DDX21: variants seen among roughly 807,000 people sequenced by gnomAD.
The protein encoded by DDX21 is nucleolar RNA helicase 2.
In DDX21, 18 loss-of-function variants were observed where a neutral mutation model predicts 90.0. The observed-to-expected ratio is 0.20, with a 90% confidence interval of 0.14 to 0.30. DDX21 has a LOEUF of 0.30. Ranked by LOEUF, DDX21 falls within the 10% of genes least tolerant of loss-of-function variation. The pLI, the probability that DDX21 is intolerant of heterozygous loss-of-function variation, is 1.00. For synonymous variants in DDX21, 294 were observed against 318.0 expected (o/e 0.92, Z 0.80); for missense variants, 673 against 944.5 (o/e 0.71, Z 3.77).
In DDX21 at chr10:68,973,672, T is replaced by C. The variant is rs773512433; in HGVS notation, c.1668+8T>C. 1 of 1,607,930 alleles carries C rather than the reference T, an allele frequency of 6.2e-7. No homozygotes were observed. The highest frequency in any genetic ancestry group is 8.5e-7 in the Non-Finnish European group (1 of 1,176,876). ...CAAGTGGAGCAAAAAGCGGTAAAAC[T>C]ATTCTTACCTTTCATTAAGCAAATG... On this transcript the variant is annotated splice_region_variant and intron_variant, in intron 10 of 14. Coordinates refer to ENST00000354185, the MANE Select transcript of DDX21 (RefSeq NM_004728.4).
At position 68,984,471 on chromosome 10, in the gene DDX21, C is replaced by G. The variant is rs1000567999; in HGVS notation, c.*1659C>G. 3.3e-5 allele frequency: 5 copies of G among 152,170 alleles called. No homozygotes were observed. The highest frequency in any genetic ancestry group is 4.1e-4 in the South Asian group (2 of 4,828). The allele number at this position is 152,170 out of a possible 1,614,324, so 9.4% of individuals were successfully genotyped here. A position where few individuals can be genotyped will look rare whatever the true frequency, so the allele number is the denominator to read the frequency against. On this transcript the variant is annotated 3_prime_UTR_variant, in exon 15 of 15. Coordinates refer to ENST00000354185, the MANE Select transcript of DDX21 (RefSeq NM_004728.4). ...TGGCTTTTATTCCTTGATCCACTTG[C>G]CAGTTTTATCACTTTACCCTTGTTC...
At chr10:68,970,955 ATTTTTTTTT>A (rs56314802) in intron 8 of DDX21, among the ~76,000 whole-genome samples, 16 of 72,552 alleles carry the variant, frequency 2.2e-4, no homozygotes, top group African/African-American at 7.4e-4. Context: ...GCCCAGCCTA[ATTTTTTTTT>A]TTTTTTTTTT....
At chr10:68,963,866 C>A (rs570932546) in intron 4 of DDX21, among the ~76,000 whole-genome samples, 1 of 151,906 alleles carries the variant, frequency 6.6e-6, no homozygotes, top group African/African-American at 2.4e-5. Context: ...TTTGGGAGCC[C>A]GAGGTGGGCG....
intron 1 of DDX21, among the ~76,000 whole-genome samples, chr10:68,958,072 CTG>C (rs1217888783): frequency 2.0e-5 from 3 of 152,132 alleles, no homozygotes; most frequent in Non-Finnish European, 2.9e-5. Context: ...GAGTGATAGA[CTG>C]TGAGTTTTTA....
At chr10:68,981,775 A>G (rs1048082482) in intron 14 of DDX21, among the ~76,000 whole-genome samples, 194 bp downstream of exon 14, 5 of 152,248 alleles carry the variant, frequency 3.3e-5, no homozygotes, top group African/African-American at 4.8e-5. Context: ...CCTGGTTTCT[A>G]TATTTCCTTT....
At chr10:68,976,356 C>T (rs1216293896) in intron 11 of DDX21, among the ~76,000 whole-genome samples, 9 of 151,278 alleles carry the variant, frequency 5.9e-5, no homozygotes, top group Non-Finnish European at 1.0e-4. Flanking sequence ...GGTGCAATCT[C>T]ATCTCACTGC....
chr10:68,970,485 CTTTTTTT>C (rs35874790), intron 8 of DDX21, 135 bp downstream of exon 8: 2 of 530,112 alleles, frequency 3.8e-6, no homozygotes, highest in African/African-American at 4.5e-5. Context: ...GAGGAAGCTA[CTTTTTTT>C]TTTTTTTTTT....
intron 1 of DDX21, 51 bp from the exon 2 acceptor site, chr10:68,959,755 T>G: frequency 7.8e-7 from 1 of 1,274,690 alleles, no homozygotes; most frequent in Non-Finnish European, 1.1e-6. Flanking sequence ...ATGTTGCAAA[T>G]GTATAAATGC....
chr10:68,962,127 A>T lies in DDX21; in HGVS notation c.577A>T (p.Ile193Leu), dbSNP rs768067504. 8 of 1,612,242 alleles carry T rather than the reference A, an allele frequency of 5.0e-6. No individual in the cohort carries two copies. Among genetic ancestry groups the T allele is most frequent in the Middle Eastern group, 1.7e-4 (1 of 6,056 alleles). Residue 193 changes from isoleucine to leucine, a missense_variant, in exon 3 of 15, where the codon ATA becomes TTA. Ile to Leu is a conservative substitution (Grantham distance 5). This residue lies in a region of DDX21 where 204 missense variants were observed against 221.6 expected (regional missense o/e 0.92). Coordinates refer to ENST00000354185, the MANE Select transcript of DDX21 (RefSeq NM_004728.4). ...AGAAGGCGCTTTCTCTAATTTTCCCATATCTGAAGAAACTATTAAACTTCT... is the reference window on the plus strand; with the variant it reads ...AGAAGGCGCTTTCTCTAATTTTCCCTTATCTGAAGAAACTATTAAACTTCT... ...QKEGAFSNFP[I>L]SEETIKLLKG...
At position 68,959,889 on chromosome 10, in the gene DDX21, A is replaced by G; in HGVS notation, c.171A>G (p.Gln57=). 6.2e-7 allele frequency: 1 copy of G among 1,602,408 alleles called. No individual in the cohort carries two copies. The highest frequency in any genetic ancestry group is 1.2e-5 in the South Asian group (1 of 86,818). The change falls in exon 2 of 15, where the codon CAA becomes CAG. Residue 57 remains glutamine, a synonymous_variant. Transcript: ENST00000354185. ...EEETVFPKAK[Q]VKKKAEPSEV... ...AAACTGTTTTCCCCAAAGCTAAACA[A>G]GTTAAAAAGAAAGCAGAGCCTTCTG...
chr10:68,966,743 A>G (rs750837215), intron 5 of DDX21, among the ~76,000 whole-genome samples: 7 of 152,138 alleles, frequency 4.6e-5, no homozygotes, highest in Non-Finnish European at 8.8e-5. Flanking sequence ...GCCCGGCTGC[A>G]TATTTCTTTT....
At position 68,960,292 on chromosome 10, in the gene DDX21, G is replaced by A. The variant is rs755486020; in HGVS notation, c.531+43G>A. 2.6e-6 allele frequency: 4 copies of A among 1,539,348 alleles called. No individual in the cohort carries two copies. In the South Asian group the frequency reaches 3.8e-5, roughly 15 times the overall value. On this transcript the variant is annotated intron_variant, in intron 2 of 14. Coordinates refer to ENST00000354185, the MANE Select transcript of DDX21 (RefSeq NM_004728.4). Reference sequence around the variant, plus strand: ...TGGGTAGAAGATATCTTTCATTGTTGTTTCAGATAAATAAGTAGGTAACTG... The same window carrying A: ...TGGGTAGAAGATATCTTTCATTGTTATTTCAGATAAATAAGTAGGTAACTG...
chr10:68,978,435 C>T (rs993126812), intron 12 of DDX21, among the ~76,000 whole-genome samples: 4 of 152,138 alleles, frequency 2.6e-5, no homozygotes, highest in Non-Finnish European at 4.4e-5. Context: ...CATATATATG[C>T]GCATAAATGC....
chr10:68,981,574 A>T lies in DDX21; in HGVS notation c.2075A>T (p.Glu692Val), dbSNP rs768390636. 6.2e-7 allele frequency: 1 copy of T among 1,611,220 alleles called. No individual in the cohort carries two copies. Residue 692 changes from glutamate to valine, a missense_variant, in exon 14 of 15, where the codon GAA becomes GTA. Glu to Val is a moderately radical substitution (Grantham distance 121). This residue lies in a region of DDX21 where 225 missense variants were observed against 298.8 expected (regional missense o/e 0.75). Coordinates refer to ENST00000354185, the MANE Select transcript of DDX21 (RefSeq NM_004728.4). Reference sequence around the variant, plus strand: ...GATGTACCTACCGCATCAGTAACAGAAATACAGGTATTCTTTTCCCTTAGA... The same window carrying T: ...GATGTACCTACCGCATCAGTAACAGTAATACAGGTATTCTTTTCCCTTAGA... ...CFDVPTASVTEIQEKWHDSRR... is the reference protein window; with the variant it reads ...CFDVPTASVTVIQEKWHDSRR...
At chr10:68,963,681 T>C (rs1176216644) in intron 4 of DDX21, among the ~76,000 whole-genome samples, 1 of 152,184 alleles carries the variant, frequency 6.6e-6, no homozygotes, top group Non-Finnish European at 1.5e-5. Context: ...ATTTTAATCT[T>C]TCCCACAGTT....
At position 68,967,117 on chromosome 10, in the gene DDX21, A is replaced by G; in HGVS notation, c.1004A>G (p.His335Arg). Residue 335 changes from histidine to arginine, a missense_variant, in exon 6 of 15, where the codon CAT becomes CGT. His to Arg is a conservative substitution (Grantham distance 29, BLOSUM62 0). Coordinates refer to ENST00000354185, the MANE Select transcript of DDX21 (RefSeq NM_004728.4). Reference sequence around the variant, plus strand: ...AAACTAGATCTCACCAAACTTAAGCATGTTGTCCTGGATGAAGTGGACCAG... The same window carrying G: ...AAACTAGATCTCACCAAACTTAAGCGTGTTGTCCTGGATGAAGTGGACCAG... ...NGKLDLTKLK[H>R]VVLDEVDQML... is the part of the protein sequence containing the mutation. 6.2e-7 allele frequency: 1 copy of G among 1,612,596 alleles called. No homozygotes were observed. Among genetic ancestry groups the G allele is most frequent in the Non-Finnish European group, 8.5e-7 (1 of 1,179,586 alleles).
chr10:68,973,750 A>AT (rs1241400755), intron 10 of DDX21, 86 bp downstream of exon 10: 38 of 1,504,390 alleles, frequency 2.5e-5, no homozygotes, highest in Admixed American at 4.3e-5. Context: ...ACTTTAAAAT[A>AT]TTTTTATTTC....
chr10:68,964,364 T>G (rs1379684549), intron 4 of DDX21, among the ~76,000 whole-genome samples: 3 of 152,214 alleles, frequency 2.0e-5, no homozygotes, highest in Non-Finnish European at 4.4e-5. Flanking sequence ...ATTTGTTTAC[T>G]GCTATATCCC....
At chr10:68,956,947 CAGG>C (rs1842806102) in intron 1 of DDX21, among the ~76,000 whole-genome samples, 1 of 151,540 alleles carries the variant, frequency 6.6e-6, no homozygotes, top group Non-Finnish European at 1.5e-5. Flanking sequence ...GAGGCTGAGG[CAGG>C]AGAATTGCTT....
Sources: gnomAD v4.1 joint callset for allele counts (sites outside exome capture counted in the v4.1 genomes callset) on GRCh38, gnomAD v4.1.1 for gene constraint, gnomAD v4.1.1 regional missense constraint, MANE v1.5 for transcripts, NCBI Gene and HGNC (gene_info 2026-07-23, HGNC 2026-07-21) for gene names.